The following PNKD variants were observed in gnomAD, a reference collection of about 807,000 sequenced individuals.
PNKD encodes probable thioesterase PNKD.
In PNKD, 36 loss-of-function variants were observed where a neutral mutation model predicts 45.3. The observed-to-expected ratio is 0.80, with a 90% confidence interval of 0.61 to 1.05. PNKD has a LOEUF of 1.05. Ranked by LOEUF, PNKD falls within the 50% of genes least tolerant of loss-of-function variation. The pLI, the probability that PNKD is intolerant of heterozygous loss-of-function variation, is 0.00. For synonymous variants in PNKD, 197 were observed against 210.1 expected (o/e 0.94, Z 0.54); for missense variants, 511 against 506.6 (o/e 1.01, Z -0.08).
At position 218,311,391 on chromosome 2, in the gene PNKD, G is replaced by A. The variant is rs144905229; in HGVS notation, c.237-28392G>A. Among the ~76,000 whole-genome samples, 1,198 of 152,290 alleles carry A rather than the reference G, an allele frequency of 7.9e-3. 3 individuals are homozygous for A. Among genetic ancestry groups the A allele is most frequent in the Middle Eastern group, 0.02 (6 of 294 alleles). On this transcript the variant is annotated intron_variant, in intron 2 of 9. Coordinates refer to ENST00000273077, the MANE Select transcript of PNKD (RefSeq NM_015488.5). ...CCGGCGCTCAGCATACAGAGGACCC[G>A]CACCGGTGCCGGCCTCTGAGTTCCC...
At position 218,340,300 on chromosome 2, in the gene PNKD, G is replaced by C. The variant is rs551036583; in HGVS notation, c.465+159G>C. On this transcript the variant is annotated intron_variant, in intron 4 of 9. Transcript: ENST00000273077. The surrounding 1 kb of genome is among the most constrained non-coding windows in gnomAD (Gnocchi z 4.2). ...CATGCGCACACATAGCCTGGGGAAG[G>C]GGGGTACAGGGCATGGCTGGGCAGA... Among the ~76,000 whole-genome samples, 11 of 152,148 alleles carry C rather than the reference G, an allele frequency of 7.2e-5. No homozygotes were observed. The highest frequency in any genetic ancestry group is 2.0e-4 in the Admixed American group (3 of 15,276).
intron 2 of PNKD, among the ~76,000 whole-genome samples, chr2:218,339,370 C>T (rs1251861457): frequency 2.0e-5 from 3 of 151,996 alleles, no homozygotes; most frequent in African/African-American, 4.8e-5. Flanking sequence ...GGACTACAAG[C>T]GTGTGCCACC....
intron 2 of PNKD, among the ~76,000 whole-genome samples, chr2:218,307,706 G>A (rs949615338): frequency 1.3e-5 from 2 of 152,182 alleles, no homozygotes; most frequent in Non-Finnish European, 2.9e-5. Context: ...ATCCAAGGGA[G>A]GCTCTTGTGG....
intron 2 of PNKD, among the ~76,000 whole-genome samples, chr2:218,316,030 A>G (rs1376970966): frequency 1.3e-5 from 2 of 152,158 alleles, no homozygotes; most frequent in African/African-American, 2.4e-5. Context: ...TGTGCCTTTC[A>G]TCTCCCTTAG....
chr2:218,345,251 C>A lies in PNKD; in HGVS notation c.*270C>A. The stretch of plus-strand genomic sequence containing the variant: ...AGGGGTCTCGGGACATCTCCAGACC[C>A]TACCAACTGGGAGGGTCCCCTCCTC... On this transcript the variant is annotated 3_prime_UTR_variant, in exon 10 of 10. Coordinates refer to ENST00000273077, the MANE Select transcript of PNKD (RefSeq NM_015488.5). The A allele has an allele frequency of 2.2e-6, 1 of 444,746 alleles. No individual in the cohort carries two copies. The highest frequency in any genetic ancestry group is 3.8e-5 in the Admixed American group (1 of 26,026). 27.5% of individuals were successfully genotyped at this position (444,746 alleles called of 1,614,324 possible).
In PNKD at chr2:218,316,268, C is replaced by CTTTTTTT. The variant is rs397972881; in HGVS notation, c.237-23502_237-23496dup. 7.2e-3 allele frequency among the ~76,000 whole-genome samples: 859 copies of CTTTTTTT among 119,470 alleles called. 10 individuals are homozygous for CTTTTTTT. The highest frequency in any genetic ancestry group is 0.01 in the Non-Finnish European group (625 of 60,582). The allele number at this position is 119,470 out of a possible 152,430, so 78.4% of individuals were successfully genotyped here. Reference sequence around the variant, plus strand: ...CAAGGGAAGATTTTTTTCTTTCTTTCTTTTTTTTTTTTTTTTTTTGAGACA... The same window carrying CTTTTTTT: ...CAAGGGAAGATTTTTTTCTTTCTTTCTTTTTTTTTTTTTTTTTTTTTTTTTTGAGACA... On this transcript the variant is annotated intron_variant, in intron 2 of 9. Transcript: ENST00000273077.
chr2:218,309,234 A>G (rs1386881789), intron 2 of PNKD, among the ~76,000 whole-genome samples: 2 of 151,892 alleles, frequency 1.3e-5, no homozygotes, highest in African/African-American at 4.8e-5. Context: ...CCTGGCCAAC[A>G]TGATGAAACC....
intron 2 of PNKD, among the ~76,000 whole-genome samples, chr2:218,318,950 CTTTTT>C (rs769001811): frequency 1.5e-4 from 15 of 99,896 alleles, no homozygotes; most frequent in Non-Finnish European, 2.8e-4. Flanking sequence ...TTTTTTTTTT[CTTTTT>C]TTTTTTTTTT....
At chr2:218,310,661 G>A (rs1446066782) in intron 2 of PNKD, among the ~76,000 whole-genome samples, 4 of 137,842 alleles carry the variant, frequency 2.9e-5, no homozygotes, top group Admixed American at 7.9e-5. Flanking sequence ...GCGCCATCTC[G>A]GCTCACTGCA....
At chr2:218,279,361 C>CA (rs753686541) in intron 2 of PNKD, 2 of 1,562,858 alleles carry the variant, frequency 1.3e-6, no homozygotes, top group Non-Finnish European at 1.7e-6. Flanking sequence ...AACCTGGACA[C>CA]AGACGGCCGG....
intron 2 of PNKD, among the ~76,000 whole-genome samples, chr2:218,332,354 G>C (rs1305930060): frequency 6.6e-6 from 1 of 152,152 alleles, no homozygotes; most frequent in Non-Finnish European, 1.5e-5. Context: ...GCGAGGACAG[G>C]GGGCCTTTCC....
intron 2 of PNKD, among the ~76,000 whole-genome samples, chr2:218,273,235 T>C (rs1017673214): frequency 3.9e-5 from 6 of 151,984 alleles, no homozygotes; most frequent in African/African-American, 1.5e-4. Context: ...TCCAAATGAC[T>C]CGACTCTGGG....
At chr2:218,274,539 A>C (rs186968810) in intron 2 of PNKD, 2 of 154,912 alleles carry the variant, frequency 1.3e-5, no homozygotes, top group African/African-American at 4.8e-5. Flanking sequence ...AGGCTTCGGT[A>C]TCTCCCTAGC....
At position 218,340,910 on chromosome 2, in the gene PNKD, G is replaced by C; in HGVS notation, c.524+124G>C. 1 of 793,750 alleles carries C rather than the reference G, an allele frequency of 1.3e-6. No homozygotes were observed. The highest frequency in any genetic ancestry group is 2.2e-6 in the Non-Finnish European group (1 of 447,274). The allele number at this position is 793,750 out of a possible 1,614,324, so 49.2% of individuals were successfully genotyped here. ...GTACGGGCCGGCACCCGCCTTCCTC[G>C]TGAAGTCACCTGGACACCAGCAGGG... On this transcript the variant is annotated intron_variant, in intron 5 of 9. Coordinates refer to ENST00000273077, the MANE Select transcript of PNKD (RefSeq NM_015488.5). The surrounding 1 kb of genome is among the most constrained non-coding windows in gnomAD (Gnocchi z 4.2).
At chr2:218,293,602 T>TC (rs1553663575) in intron 2 of PNKD, among the ~76,000 whole-genome samples, 55 of 147,318 alleles carry the variant, frequency 3.7e-4, no homozygotes, top group Non-Finnish European at 5.9e-4. Context: ...TTTTTTTTTT[T>TC]CCAGACAGGG....
At chr2:218,313,756 T>C (rs953627378) in intron 2 of PNKD, among the ~76,000 whole-genome samples, 1 of 152,154 alleles carries the variant, frequency 6.6e-6, no homozygotes, top group Non-Finnish European at 1.5e-5. Context: ...TCCAGAAAAT[T>C]ATACAAATTT....
rs373351932 is a variant in PNKD at position 218,342,159 on chromosome 2, AAG to A, written c.781+22_781+23del. On this transcript the variant is annotated intron_variant, in intron 7 of 9. Coordinates refer to ENST00000273077, the MANE Select transcript of PNKD (RefSeq NM_015488.5). ...CTCTGGCTGTGGTGAGTTTCCCCGA[AAG>A]AGAGAGGAGCTGGGAGAGGAGGGAG... 780 of 1,609,864 alleles carry A rather than the reference AAG, an allele frequency of 4.8e-4. 7 individuals carry two copies. The African/African-American group carries it at 9.3e-3, about 19-fold the overall frequency.
intron 2 of PNKD, among the ~76,000 whole-genome samples, chr2:218,333,287 G>A (rs573722593): frequency 2.0e-5 from 3 of 152,290 alleles, no homozygotes; most frequent in South Asian, 2.1e-4. Flanking sequence ...TGACAAGGAG[G>A]GGCCTTGTTT....
intron 2 of PNKD, among the ~76,000 whole-genome samples, chr2:218,308,639 T>C (rs993564492): frequency 6.6e-6 from 1 of 151,558 alleles, no homozygotes; most frequent in African/African-American, 2.4e-5. Context: ...CAGGCTGGAG[T>C]GCAATAGCAT....
Sources: allele counts gnomAD v4.1 joint callset (sites outside exome capture counted in the v4.1 genomes callset), GRCh38; gene constraint gnomAD v4.1.1; non-coding constraint Gnocchi (gnomAD v3.1); transcripts MANE v1.5; gene names NCBI Gene and HGNC (gene_info 2026-07-23, HGNC 2026-07-21).